PLCL1: variants seen among roughly 807,000 people sequenced by gnomAD.
PLCL1 encodes inactive phospholipase C-like protein 1.
In PLCL1, 41 loss-of-function variants were observed where a neutral mutation model predicts 84.4. That is an observed-to-expected ratio of 0.49 (90% CI 0.38 to 0.63). PLCL1 has a LOEUF of 0.63. Ranked by LOEUF, PLCL1 falls within the 30% of genes least tolerant of loss-of-function variation. The pLI is 0.00. For synonymous variants in PLCL1, 490 were observed against 488.3 expected (o/e 1.00, Z -0.05); for missense variants, 1,206 against 1,367.8 (o/e 0.88, Z 1.87).
chr2:198,117,405 T>A (rs1022877325), intron 5 of PLCL1, among the ~76,000 whole-genome samples: 6 of 151,564 alleles, frequency 4.0e-5, no homozygotes, highest in Non-Finnish European at 8.8e-5. Flanking sequence ...AAGGGAAGGT[T>A]GAATGTGTTA....
At chr2:198,126,817 C>T (rs555480531) in intron 5 of PLCL1, among the ~76,000 whole-genome samples, 8 of 152,098 alleles carry the variant, frequency 5.3e-5, no homozygotes, top group Non-Finnish European at 7.4e-5. Flanking sequence ...AGGAGAGAGT[C>T]GCTTGAGTCT....
intron 2 of PLCL1, 35 bp downstream of exon 2, chr2:198,086,267 C>T: frequency 7.5e-7 from 1 of 1,326,112 alleles, no homozygotes; most frequent in Non-Finnish European, 1.1e-6. Context: ...TTCCCTATCC[C>T]TGCTTATTCC....
At position 198,085,097 on chromosome 2, in the gene PLCL1, T is replaced by G. The variant is rs1692831882; in HGVS notation, c.1580T>G (p.Leu527Arg). 1.4e-5 allele frequency: 22 copies of G among 1,613,804 alleles called. No individual in the cohort carries two copies. The highest frequency in any genetic ancestry group is 1.9e-5 in the Non-Finnish European group (22 of 1,179,956). ...GCACCTTTGCCCTCAGAATCCTACC[T>G]CCCATCACCAGAAAAATTAAAAAGA... is the stretch of plus-strand genomic sequence containing the variant. The part of the protein sequence containing the change: ...TEAPLPSESY[L>R]PSPEKLKRMI... The change falls in exon 2 of 6, where the codon CTC becomes CGC. Residue 527 changes from leucine (L) to arginine (R), a missense_variant. Transcript: ENST00000428675. This position sits in a 1 kb window ranked among gnomAD's most constrained non-coding sequence, Gnocchi z 5.3.
intron 1 of PLCL1, among the ~76,000 whole-genome samples, chr2:197,829,094 T>C (rs919503417): frequency 6.6e-6 from 1 of 152,152 alleles, no homozygotes; most frequent in Non-Finnish European, 1.5e-5. Context: ...AGTACATAAG[T>C]TTTTAGTACA....
intron 5 of PLCL1, among the ~76,000 whole-genome samples, chr2:198,123,703 T>C (rs886680645): frequency 6.6e-6 from 1 of 152,056 alleles, no homozygotes; most frequent in Admixed American, 6.6e-5. Context: ...AACCAGACCA[T>C]GCAGCAATGA....
intron 1 of PLCL1, among the ~76,000 whole-genome samples, chr2:197,950,632 G>A (rs1003560788): frequency 4.6e-5 from 7 of 152,196 alleles, no homozygotes; most frequent in East Asian, 1.9e-4. Context: ...TGACGAAAAC[G>A]TCACAGTCAG....
At position 197,865,300 on chromosome 2, in the gene PLCL1, G is replaced by A. The variant is rs560369411; in HGVS notation, c.240+59961G>A. Among the ~76,000 whole-genome samples the A allele has an allele frequency of 7.4e-4, 112 of 152,282 alleles. 1 individual carries two copies. The highest frequency in any genetic ancestry group is 2.6e-3 in the African/African-American group (110 of 41,570). On this transcript the variant is annotated intron_variant, in intron 1 of 5. Transcript: ENST00000428675. ...GTGAGTTATAGGTTGTATATTATAA[G>A]GAGCATTTCTCAGCACTGAAGAAAT...
intron 1 of PLCL1, among the ~76,000 whole-genome samples, chr2:197,983,496 G>T (rs759683255): frequency 6.6e-6 from 1 of 152,042 alleles, no homozygotes; most frequent in Non-Finnish European, 1.5e-5. Context: ...GCCTCCCAAA[G>T]TGTTGGGATT....
At chr2:198,042,198 T>C (rs970360433) in intron 1 of PLCL1, among the ~76,000 whole-genome samples, 1 of 152,188 alleles carries the variant, frequency 6.6e-6, no homozygotes, top group South Asian at 2.1e-4. Context: ...TCTGTAAATA[T>C]ACAGCAACCT....
At chr2:197,917,071 G>GAAC (rs1574947397) in intron 1 of PLCL1, among the ~76,000 whole-genome samples, 1 of 152,112 alleles carries the variant, frequency 6.6e-6, no homozygotes, top group East Asian at 1.9e-4. Flanking sequence ...AAACAAAATG[G>GAAC]AACAGCCACT....
At chr2:197,878,355 A>G (rs1687774351) in intron 1 of PLCL1, among the ~76,000 whole-genome samples, 1 of 152,154 alleles carries the variant, frequency 6.6e-6, no homozygotes, top group Non-Finnish European at 1.5e-5. Flanking sequence ...AGCAGCAAGC[A>G]TTTGACTTGT....
chr2:197,959,605 C>A (rs934830959), intron 1 of PLCL1, among the ~76,000 whole-genome samples: 1 of 151,950 alleles, frequency 6.6e-6, no homozygotes, highest in Admixed American at 6.6e-5. Flanking sequence ...GTGGAACACA[C>A]CCTGAAAAGT....
At position 198,094,765 on chromosome 2, in the gene PLCL1, C is replaced by T. The variant is rs143065841; in HGVS notation, c.2919+5704C>T. ...GGTAATGACAGAGGGTTCACCAAGT[C>T]TGGGTAAGGTGAAGGTGGGGTTGCT... is the stretch of plus-strand genomic sequence containing the variant. On this transcript the variant is annotated intron_variant, in intron 3 of 5. Coordinates refer to ENST00000428675, the MANE Select transcript of PLCL1 (RefSeq NM_006226.4). 1.3e-4 allele frequency among the ~76,000 whole-genome samples: 20 copies of T among 152,180 alleles called. No homozygotes were observed. In the East Asian group the frequency reaches 3.9e-3, roughly 29 times the overall value.
chr2:198,005,061 T>C (rs1019625501), intron 1 of PLCL1, among the ~76,000 whole-genome samples: 10 of 152,224 alleles, frequency 6.6e-5, no homozygotes, highest in Non-Finnish European at 1.0e-4. Flanking sequence ...AAATAAAATA[T>C]TCAGACAAGG....
rs1412825658 is a variant in PLCL1 at position 197,804,685 on chromosome 2, G to T, written c.-415G>T. On this transcript the variant is annotated 5_prime_UTR_variant, in exon 1 of 6. Transcript: ENST00000428675. ...GTGGCGGGTGCGCCCGGCCGCAGTC[G>T]CCCGGCTCTGGCCCCTATCGGGCCG... The T allele has an allele frequency of 6.4e-6, 1 of 155,426 alleles. No individual in the cohort carries two copies. Among genetic ancestry groups the T allele is most frequent in the Non-Finnish European group, 1.4e-5 (1 of 70,620 alleles). The allele number at this position is 155,426 out of a possible 1,614,324, so 9.6% of individuals were successfully genotyped here.
intron 5 of PLCL1, among the ~76,000 whole-genome samples, chr2:198,137,700 C>G (rs1337548756): frequency 6.6e-6 from 1 of 152,188 alleles, no homozygotes; most frequent in East Asian, 1.9e-4. Context: ...TTTCTTGTTA[C>G]TTTTTATGGG....
chr2:197,991,259 A>G lies in PLCL1; in HGVS notation c.241-92499A>G, dbSNP rs187680744. 4.6e-5 allele frequency among the ~76,000 whole-genome samples: 7 copies of G among 152,260 alleles called. No individual in the cohort carries two copies. In the East Asian group the frequency reaches 1.4e-3, roughly 29 times the overall value. On this transcript the variant is annotated intron_variant, in intron 1 of 5. Transcript: ENST00000428675. Reference sequence around the variant, plus strand: ...TTCTCCTGTCCTTGGACTGGGATTTATAATTTGGCTCCCCTGGTTCTCAGG... The same window carrying G: ...TTCTCCTGTCCTTGGACTGGGATTTGTAATTTGGCTCCCCTGGTTCTCAGG...
chr2:197,826,321 A>G (rs769373216), intron 1 of PLCL1, among the ~76,000 whole-genome samples: 5 of 152,168 alleles, frequency 3.3e-5, no homozygotes, highest in Non-Finnish European at 5.9e-5. Context: ...AATGAAAACA[A>G]TGTTCTTTAG....
At chr2:197,975,107 G>A (rs1255463474) in intron 1 of PLCL1, among the ~76,000 whole-genome samples, 1 of 132,952 alleles carries the variant, frequency 7.5e-6, no homozygotes, top group East Asian at 2.3e-4. Flanking sequence ...CGCCACTGCA[G>A]TCCGCAGTCC....
Sources: allele counts gnomAD v4.1 joint callset (sites outside exome capture counted in the v4.1 genomes callset), GRCh38; gene constraint gnomAD v4.1.1; non-coding constraint Gnocchi (gnomAD v3.1); transcripts MANE v1.5; gene names NCBI Gene and HGNC (gene_info 2026-07-23, HGNC 2026-07-21).